Variants in NXNL2 observed in about 807,000 individuals in gnomAD.
NXNL2 encodes the protein nucleoredoxin like 2.
NXNL2 carries 7 observed loss-of-function variants against 11.1 expected under a neutral mutation model. That is an observed-to-expected ratio of 0.63 (90% CI 0.36 to 1.18). The LOEUF is 1.18. NXNL2 is among the 50% of genes most tolerant of loss of function. The probability of loss-of-function intolerance (pLI) is 0.02; values close to 1 mark genes in which losing one functional copy is unlikely to be tolerated. For missense variants in NXNL2, 233 were observed against 217.7 expected (o/e 1.07, Z -0.44); for synonymous variants, 109 against 101.8 (o/e 1.07, Z -0.42).
intron 1 of NXNL2, among the ~76,000 whole-genome samples, chr9:88,543,347 G>A (rs925913070): frequency 1.3e-5 from 2 of 151,590 alleles, no homozygotes; most frequent in Non-Finnish European, 2.9e-5. Context: ...GCTCACTGCA[G>A]CCTCGACCTC....
At chr9:88,579,691 T>C (rs1475011632), downstream of NXNL2, among the ~76,000 whole-genome samples, 1 of 152,100 alleles carries the variant, frequency 6.6e-6, no homozygotes, top group East Asian at 1.9e-4. Context: ...CCCAGAGTCT[T>C]ATGACTGCGA....
At chr9:88,580,513 CT>C (rs975508603), downstream of NXNL2, among the ~76,000 whole-genome samples, 13 of 151,528 alleles carry the variant, frequency 8.6e-5, no homozygotes, top group African/African-American at 2.7e-4. Flanking sequence ...GAGCTTCTCT[CT>C]TTTTTTTTCT....
intron 1 of NXNL2, among the ~76,000 whole-genome samples, chr9:88,583,451 C>T (rs966042375): frequency 1.3e-5 from 2 of 152,024 alleles, no homozygotes; most frequent in African/African-American, 4.8e-5. Flanking sequence ...GTAATCTGGC[C>T]CTAAAGTGGA....
chr9:88,583,209 C>A (rs139948232), intron 1 of NXNL2, among the ~76,000 whole-genome samples: 9 of 152,238 alleles, frequency 5.9e-5, no homozygotes, highest in Non-Finnish European at 8.8e-5. Flanking sequence ...CAAGTCTCTG[C>A]TTCTGCGGCA....
At chr9:88,564,082 G>GCA (rs1830127958) in intron 1 of NXNL2, among the ~76,000 whole-genome samples, 1 of 151,836 alleles carries the variant, frequency 6.6e-6, no homozygotes, top group Non-Finnish European at 1.5e-5. Flanking sequence ...GTGGTGGCAT[G>GCA]TGTCTGTAAT....
chr9:88,563,993 T>G (rs565673365), intron 1 of NXNL2, among the ~76,000 whole-genome samples: 1 of 151,886 alleles, frequency 6.6e-6, no homozygotes, highest in African/African-American at 2.4e-5. Flanking sequence ...GGTGGATCAC[T>G]TAAGGTCAGG....
chr9:88,546,837 G>C (rs1029954520), downstream of NXNL2, among the ~76,000 whole-genome samples: 1 of 152,182 alleles, frequency 6.6e-6, no homozygotes, highest in African/African-American at 2.4e-5. Flanking sequence ...TGTGCCCCTT[G>C]TGTTCCAGAA....
chr9:88,547,690 A>G (rs1467563605), downstream of NXNL2, among the ~76,000 whole-genome samples: 1 of 152,158 alleles, frequency 6.6e-6, no homozygotes, highest in Non-Finnish European at 1.5e-5. Context: ...CATTTGGTAA[A>G]CTGAATTACC....
At chr9:88,546,178 A>T (rs553902953), downstream of NXNL2, among the ~76,000 whole-genome samples, 2,392 of 123,736 alleles carry the variant, frequency 0.019, 70 homozygotes, top group African/African-American at 0.079. Flanking sequence ...TGTGTGTGTG[A>T]GAACCACAAC....
In NXNL2 at chr9:88,544,802, G is replaced by T; in HGVS notation, c.*255G>T. On this transcript the variant is annotated 3_prime_UTR_variant, in exon 2 of 2. Transcript: ENST00000375854. ...CCTTTATCCACCTGTGCTTAAGGAAGGATCCTCATATGTTCATACTGAGCT... is the reference window on the plus strand; with the variant it reads ...CCTTTATCCACCTGTGCTTAAGGAATGATCCTCATATGTTCATACTGAGCT... The T allele has an allele frequency of 1.7e-6, 2 of 1,198,412 alleles. No homozygotes were observed. Among genetic ancestry groups the T allele is most frequent in the Non-Finnish European group, 2.1e-6 (2 of 965,824 alleles). 74.2% of individuals were successfully genotyped at this position (1,198,412 alleles called of 1,614,324 possible).
intron 1 of NXNL2, among the ~76,000 whole-genome samples, chr9:88,581,224 C>G (rs1240496087): frequency 1.3e-5 from 2 of 152,206 alleles, no homozygotes; most frequent in African/African-American, 4.8e-5. Flanking sequence ...TTGGAAGGAG[C>G]TTCTGTCTGC....
At chr9:88,559,129 A>G (rs1830054553) in intron 1 of NXNL2, among the ~76,000 whole-genome samples, 1 of 152,136 alleles carries the variant, frequency 6.6e-6, no homozygotes, top group South Asian at 2.1e-4. Context: ...TCCCATAGGG[A>G]CGACTGCCTG....
At chr9:88,562,383 C>T (rs1374959337) in intron 1 of NXNL2, among the ~76,000 whole-genome samples, 1 of 151,916 alleles carries the variant, frequency 6.6e-6, no homozygotes, top group East Asian at 1.9e-4. Context: ...TGGGTGTGTT[C>T]ACTTCGTGAA....
chr9:88,552,473 G>GT (rs59133640), intron 1 of NXNL2, among the ~76,000 whole-genome samples: 11,584 of 131,516 alleles, frequency 0.088, 926 homozygotes, highest in African/African-American at 0.2. Flanking sequence ...AAACATGCAT[G>GT]TTTTTTTTTT....
At chr9:88,573,645 T>C (rs1322803595) in intron 2 of NXNL2, among the ~76,000 whole-genome samples, 1 of 152,190 alleles carries the variant, frequency 6.6e-6, no homozygotes, top group Non-Finnish European at 1.5e-5. Flanking sequence ...AGACTGGTGG[T>C]TGCCAAGAGC....
At chr9:88,547,219 A>G (rs957475759), downstream of NXNL2, among the ~76,000 whole-genome samples, 24 of 152,346 alleles carry the variant, frequency 1.6e-4, no homozygotes, top group African/African-American at 5.8e-4. Context: ...ATTTCAGCCC[A>G]CAACTGGGGC....
intron 1 of NXNL2, chr9:88,538,433 A>G (rs762815591): frequency 6.6e-6 from 1 of 152,212 alleles, no homozygotes; most frequent in Non-Finnish European, 1.5e-5. Flanking sequence ...CAGCCAGAAG[A>G]TGGTGTCAAG....
intron 1 of NXNL2, among the ~76,000 whole-genome samples, chr9:88,557,003 C>T (rs1421967633): frequency 6.7e-6 from 1 of 149,894 alleles, no homozygotes; most frequent in Non-Finnish European, 1.5e-5. Flanking sequence ...ATCGCTTGAA[C>T]CCGGGAGGCG....
At chr9:88,560,500 A>G (rs1163278406) in intron 1 of NXNL2, among the ~76,000 whole-genome samples, 1 of 152,080 alleles carries the variant, frequency 6.6e-6, no homozygotes, top group Non-Finnish European at 1.5e-5. Context: ...GCAGGGGACT[A>G]GATGTTTATG....
Sources: gnomAD v4.1 joint callset for allele counts (sites outside exome capture counted in the v4.1 genomes callset) on GRCh38, gnomAD v4.1.1 for gene constraint, MANE v1.5 for transcripts, NCBI Gene and HGNC (gene_info 2026-07-23, HGNC 2026-07-21) for gene names.